The following MGAT4B variants were observed in gnomAD, a reference collection of about 807,000 sequenced individuals.
MGAT4B encodes the protein alpha-1,3-mannosyl-glycoprotein 4-beta-N-acetylglucosaminyltransferase B, also known as N-acetylglucosaminyltransferase IVb.
Under a neutral mutation model 73.9 loss-of-function variants are expected in MGAT4B, and 38 were observed. That is an observed-to-expected ratio of 0.51 (90% CI 0.40 to 0.67). The LOEUF is 0.67. Among genes scored for constraint, MGAT4B ranks in the 30% least tolerant of loss-of-function variants. MGAT4B has a pLI of 0.00. For missense variants in MGAT4B, 686 were observed against 735.2 expected (o/e 0.93, Z 0.77); for synonymous variants, 373 against 313.5 (o/e 1.19, Z -2.01).
chr5:179,801,540 G>C lies in MGAT4B; in HGVS notation c.424+14C>G. 6.2e-7 allele frequency: 1 copy of C among 1,607,490 alleles called. No individual in the cohort carries two copies. The highest frequency in any genetic ancestry group is 2.2e-5 in the East Asian group (1 of 44,638). ...GTCCCCCCACCCCGTGCTCCTCCCT[G>C]TCTGCGCCCATACCTCCGGTGCGGC... On this transcript the variant is annotated intron_variant, in intron 3 of 14. Transcript: ENST00000292591. This position sits in a 1 kb window ranked among gnomAD's most constrained non-coding sequence, Gnocchi z 4.8.
In MGAT4B at chr5:179,798,004, G is replaced by GTTCT; in HGVS notation, c.*40_*41insAGAA. ...AGTGACGACACCCCCAGAAATGTGG[G>GTTCT]CTTCAGGGCTGGCCACAGGGTACCC... On this transcript the variant is annotated 3_prime_UTR_variant, in exon 15 of 15. Transcript: ENST00000292591. 3 of 1,593,456 alleles carry GTTCT rather than the reference G, an allele frequency of 1.9e-6. No homozygotes were observed. The highest frequency in any genetic ancestry group is 2.6e-6 in the Non-Finnish European group (3 of 1,170,202).
At chr5:179,800,314 T>C in intron 6 of MGAT4B, 55 bp from the exon 7 acceptor site, 1 of 1,597,742 alleles carries the variant, frequency 6.3e-7, no homozygotes. Context: ...CCATTGTGGC[T>C]CCGCAGAGAA....
chr5:179,804,136 C>T (rs750795171), intron 1 of MGAT4B, among the ~76,000 whole-genome samples: 3 of 152,222 alleles, frequency 2.0e-5, no homozygotes, highest in Admixed American at 6.5e-5. Flanking sequence ...CTGGGGCCCA[C>T]AAACCACAGT....
intron 1 of MGAT4B, among the ~76,000 whole-genome samples, chr5:179,805,866 G>A (rs980839359): frequency 2.6e-5 from 4 of 152,166 alleles, no homozygotes; most frequent in East Asian, 1.9e-4. Flanking sequence ...GCCTGCAAGA[G>A]CGCTGGGCGC....
At chr5:179,799,720 C>T (rs1477798975) in intron 8 of MGAT4B, 84 bp from the exon 9 acceptor site, 4 of 1,591,896 alleles carry the variant, frequency 2.5e-6, no homozygotes, top group Non-Finnish European at 3.4e-6. Flanking sequence ...CACAGCAAAC[C>T]CAGGGGCAGG....
Position 179,799,934 on chromosome 5 carries a change from A to T in MGAT4B, c.910+20T>A. The stretch of plus-strand genomic sequence containing the variant: ...GCAGGTGGGACTGAAAGGCACCGTC[A>T]GGTAAGGGGAGGGGCACACCAATGA... On this transcript the variant is annotated intron_variant, in intron 8 of 14. Coordinates refer to ENST00000292591, the MANE Select transcript of MGAT4B (RefSeq NM_014275.5). 6.3e-7 allele frequency: 1 copy of T among 1,590,996 alleles called. No individual in the cohort carries two copies. Among genetic ancestry groups the T allele is most frequent in the Non-Finnish European group, 8.6e-7 (1 of 1,159,648 alleles).
At position 179,799,315 on chromosome 5, in the gene MGAT4B, G is replaced by A. The variant is rs1341583348; in HGVS notation, c.1042-5C>T. The A allele has an allele frequency of 2.5e-6, 4 of 1,613,328 alleles. No homozygotes were observed. The highest frequency in any genetic ancestry group is 1.3e-5 in the African/African-American group (1 of 75,046). On this transcript the variant is annotated splice_region_variant and splice_polypyrimidine_tract_variant and intron_variant, in intron 9 of 14. Coordinates refer to ENST00000292591, the MANE Select transcript of MGAT4B (RefSeq NM_014275.5). ...TTTCTGCCGGTCACAGTGCTTCTGTGGAGGGTGGGCAACACCCCAGGGCTC... is the reference window on the plus strand; with the variant it reads ...TTTCTGCCGGTCACAGTGCTTCTGTAGAGGGTGGGCAACACCCCAGGGCTC...
chr5:179,806,456 C>T lies in MGAT4B; in HGVS notation c.97+31G>A, dbSNP rs200371423. 222 of 1,220,282 alleles carry T rather than the reference C, an allele frequency of 1.8e-4. No individual in the cohort carries two copies. The East Asian group carries it at 7.3e-3, about 40-fold the overall frequency. 75.6% of individuals were successfully genotyped at this position (1,220,282 alleles called of 1,614,324 possible). On this transcript the variant is annotated intron_variant, in intron 1 of 14. Coordinates refer to ENST00000292591, the MANE Select transcript of MGAT4B (RefSeq NM_014275.5). This position sits in a 1 kb window ranked among gnomAD's most constrained non-coding sequence, Gnocchi z 4.6. The stretch of plus-strand genomic sequence containing the variant: ...TCCCGCCGCCGACGCCCAGGTGCGC[C>T]AGGTGCGGGCCGGGCGGGGGTCGCG...
chr5:179,797,620 C>A lies in MGAT4B; in HGVS notation c.*425G>T, dbSNP rs1756698236. 6.1e-6 allele frequency: 1 copy of A among 162,726 alleles called. No homozygotes were observed. Among genetic ancestry groups the A allele is most frequent in the Non-Finnish European group, 1.3e-5 (1 of 74,810 alleles). The allele number at this position is 162,726 out of a possible 1,614,324, so 10.1% of individuals were successfully genotyped here. A position where few individuals can be genotyped will look rare whatever the true frequency, so the allele number is the denominator to read the frequency against. ...CATTTGAGGCACACACTTCATTAAC[C>A]CTTTATTACAAGTCACGCTCTTATA... On this transcript the variant is annotated 3_prime_UTR_variant, in exon 15 of 15. Transcript: ENST00000292591.
intron 8 of MGAT4B, 46 bp downstream of exon 8, chr5:179,799,908 G>C (rs745955694): frequency 6.6e-7 from 1 of 1,521,968 alleles, no homozygotes; most frequent in East Asian, 2.3e-5. Context: ...GGATGGCAGA[G>C]GCAGGTGGGA....
chr5:179,800,682 G>A (rs1168208770), intron 5 of MGAT4B, 85 bp from the exon 6 acceptor site: 10 of 1,159,214 alleles, frequency 8.6e-6, no homozygotes, highest in South Asian at 6.6e-5. Flanking sequence ...CTTTCTTGAG[G>A]CTCACCCAGT....
chr5:179,800,560 T>G lies in MGAT4B; in HGVS notation c.643A>C (p.Ile215Leu), dbSNP rs1292171347. 6.2e-7 allele frequency: 1 copy of G among 1,611,052 alleles called. No individual in the cohort carries two copies. The highest frequency in any genetic ancestry group is 1.3e-5 in the African/African-American group (1 of 74,702). The change falls in exon 6 of 15, where the codon ATC (isoleucine) becomes CTC (leucine). Residue 215 changes from isoleucine to leucine, a missense_variant. Around this residue, in one of 2 missense-constraint regions of MGAT4B, gnomAD observed 449 missense variants for 536.8 expected, o/e 0.84. Coordinates refer to ENST00000292591, the MANE Select transcript of MGAT4B (RefSeq NM_014275.5). ...TEIHSGLLEV[I>L]SPSPHFYPDF... ...GGGTAGAAGTGGGGGGAGGGTGAGA[T>G]GACCTCCAGGAGCCCAGAATGGATC...
chr5:179,798,861 G>A (rs981771027), intron 11 of MGAT4B, 67 bp downstream of exon 11: 3 of 1,561,358 alleles, frequency 1.9e-6, no homozygotes, highest in Non-Finnish European at 2.6e-6. Flanking sequence ...TAACTTGCCG[G>A]TGAAGCCTAC....
In MGAT4B at chr5:179,801,522, C is replaced by T. The variant is rs79356327; in HGVS notation, c.424+32G>A. The T allele has an allele frequency of 1.9e-6, 3 of 1,603,126 alleles. No individual in the cohort carries two copies. Among genetic ancestry groups the T allele is most frequent in the Non-Finnish European group, 2.6e-6 (3 of 1,173,202 alleles). On this transcript the variant is annotated intron_variant, in intron 3 of 14. Coordinates refer to ENST00000292591, the MANE Select transcript of MGAT4B (RefSeq NM_014275.5). The surrounding 1 kb of genome is among the most constrained non-coding windows in gnomAD (Gnocchi z 4.8). ...AGGGTGCGGGGGCCACCCGTCCCCC[C>T]ACCCCGTGCTCCTCCCTGTCTGCGC...
At position 179,801,724 on chromosome 5, in the gene MGAT4B, G is replaced by A; in HGVS notation, c.284-30C>T. On this transcript the variant is annotated intron_variant, in intron 2 of 14. Transcript: ENST00000292591. The surrounding 1 kb of genome is among the most constrained non-coding windows in gnomAD (Gnocchi z 4.8). ...GTGGGTCGGGAAGGATCGGGACTGAGACCAGGGAACCTACAACCAGCCCGC... is the reference window on the plus strand; with the variant it reads ...GTGGGTCGGGAAGGATCGGGACTGAAACCAGGGAACCTACAACCAGCCCGC... 2 of 1,598,202 alleles carry A rather than the reference G, an allele frequency of 1.3e-6. No homozygotes were observed. The highest frequency in any genetic ancestry group is 1.7e-5 in the Admixed American group (1 of 58,148).
At chr5:179,799,696 C>G (rs1295780047) in intron 8 of MGAT4B, 60 bp from the exon 9 acceptor site, 7 of 1,606,524 alleles carry the variant, frequency 4.4e-6, no homozygotes, top group Non-Finnish European at 6.0e-6. Flanking sequence ...CTCCCTGCAG[C>G]GGCCCCCGAG....
Position 179,806,387 on chromosome 5 carries a change from T to G in MGAT4B, c.97+100A>C. The G allele has an allele frequency of 3.2e-6, 2 of 629,174 alleles. No homozygotes were observed. Among genetic ancestry groups the G allele is most frequent in the Non-Finnish European group, 4.1e-6 (2 of 486,212 alleles). The allele number at this position is 629,174 out of a possible 1,614,324, so 39.0% of individuals were successfully genotyped here. A position where few individuals can be genotyped will look rare whatever the true frequency, so the allele number is the denominator to read the frequency against. ...GCCGCCCGGGCGGGGAAGGGGCGCCTGCGTCGGCTTCCGGCCGCCTTCCGC... is the reference window on the plus strand; with the variant it reads ...GCCGCCCGGGCGGGGAAGGGGCGCCGGCGTCGGCTTCCGGCCGCCTTCCGC... On this transcript the variant is annotated intron_variant, in intron 1 of 14. Transcript: ENST00000292591. This position sits in a 1 kb window ranked among gnomAD's most constrained non-coding sequence, Gnocchi z 4.6.
intron 1 of MGAT4B, chr5:179,802,627 G>T (rs188354548): frequency 3.6e-5 from 36 of 988,094 alleles, no homozygotes; most frequent in Middle Eastern, 1.0e-3. Flanking sequence ...CCTGTGCTGC[G>T]CCTGGGGCAC....
chr5:179,799,251 C>G lies in MGAT4B; in HGVS notation c.1101G>C (p.Gln367His). The G allele has an allele frequency of 6.2e-7, 1 of 1,614,000 alleles. No homozygotes were observed. Among genetic ancestry groups the G allele is most frequent in the Non-Finnish European group, 8.5e-7 (1 of 1,180,020 alleles). ...CCAGCGAGGAGTGAGTGCCCACGTG[C>G]TGGAAGAGGGACGGTTTGAAGCGGA... ...LRIRFKPSLF[Q>H]HVGTHSSLAG... The change falls in exon 10 of 15, where the codon CAG becomes CAC. Residue 367 changes from glutamine to histidine, a missense_variant. Coordinates refer to ENST00000292591, the MANE Select transcript of MGAT4B (RefSeq NM_014275.5).
Sources: allele counts gnomAD v4.1 joint callset (sites outside exome capture counted in the v4.1 genomes callset), GRCh38; gene constraint gnomAD v4.1.1; regional missense constraint gnomAD v4.1.1; non-coding constraint Gnocchi (gnomAD v3.1); transcripts MANE v1.5; gene names NCBI Gene and HGNC (gene_info 2026-07-23, HGNC 2026-07-21).